PPP2R2C: variants seen among roughly 807,000 people sequenced by gnomAD.
PPP2R2C encodes the protein protein phosphatase 2 regulatory subunit Bgamma, also known as protein phosphatase 2, regulatory subunit B, gamma.
Under a neutral mutation model 45.3 loss-of-function variants are expected in PPP2R2C, and 10 were observed. The ratio of observed to expected loss-of-function variants is 0.22; its 90% CI spans 0.14 to 0.37. PPP2R2C has a LOEUF of 0.37. Ranked by LOEUF, PPP2R2C falls within the 10% of genes least tolerant of loss-of-function variation. The pLI is 1.00. For synonymous variants in PPP2R2C, 257 were observed against 245.4 expected (o/e 1.05, Z -0.44); for missense variants, 308 against 619.7 (o/e 0.50, Z 5.34).
At chr4:6,399,765 G>C (rs1477631972) in intron 1 of PPP2R2C, among the ~76,000 whole-genome samples, 1 of 152,212 alleles carries the variant, frequency 6.6e-6, no homozygotes, top group African/African-American at 2.4e-5. Context: ...GTGGCATTAG[G>C]GGTTCAGGTG....
intron 2 of PPP2R2C, among the ~76,000 whole-genome samples, chr4:6,512,404 A>C (rs201387619): frequency 2.4e-4 from 1 of 4,190 alleles, no homozygotes; most frequent in African/African-American, 9.1e-4. Context: ...GGTGGTGGTG[A>C]TGGTGGTGGT....
intron 6 of PPP2R2C, among the ~76,000 whole-genome samples, chr4:6,339,868 C>T (rs990922585): frequency 2.6e-5 from 4 of 152,342 alleles, no homozygotes; most frequent in African/African-American, 9.6e-5. Context: ...CAGCTGGCCT[C>T]ACCTCAGGCC....
At chr4:6,439,658 T>A (rs1191408861) in intron 1 of PPP2R2C, among the ~76,000 whole-genome samples, 1 of 152,120 alleles carries the variant, frequency 6.6e-6, no homozygotes, top group Non-Finnish European at 1.5e-5. Flanking sequence ...CACCCCCATC[T>A]CATCCACTCT....
At chr4:6,448,178 G>A (rs141097793) in intron 1 of PPP2R2C, among the ~76,000 whole-genome samples, 11 of 152,148 alleles carry the variant, frequency 7.2e-5, no homozygotes, top group Admixed American at 3.9e-4. Flanking sequence ...GCCAGACTCC[G>A]TCAAAGCCCT....
intron 1 of PPP2R2C, among the ~76,000 whole-genome samples, chr4:6,413,337 C>A (rs1253586932): frequency 1.3e-5 from 2 of 152,232 alleles, no homozygotes; most frequent in African/African-American, 4.8e-5. Flanking sequence ...CACACTGACA[C>A]ACTCTCATAC....
At chr4:6,326,049 C>T (rs900796376) in intron 8 of PPP2R2C, among the ~76,000 whole-genome samples, 2 of 152,240 alleles carry the variant, frequency 1.3e-5, no homozygotes, top group Admixed American at 1.3e-4. Flanking sequence ...TCTCCTCGCC[C>T]CTTGGCCTGG....
rs1050684545 is a variant in PPP2R2C, at chr4:6,349,098, C to T, written c.626-1088G>A. ...ATCTCTTGGAGCATGCAAGGACTGGCACCCCCGAGCTTCTCTCCGGCTTTC... is the reference window on the plus strand; with the variant it reads ...ATCTCTTGGAGCATGCAAGGACTGGTACCCCCGAGCTTCTCTCCGGCTTTC... On this transcript the variant is annotated intron_variant, in intron 5 of 8. Transcript: ENST00000382599. The T allele has an allele frequency of 2.2e-5, 22 of 985,230 alleles. No individual in the cohort carries two copies. The African/African-American group carries it at 2.8e-4, about 13-fold the overall frequency. The allele number at this position is 985,230 out of a possible 1,614,324, so 61.0% of individuals were successfully genotyped here.
rs535598536 is a variant in PPP2R2C at position 6,329,535 on chromosome 4, C to A, written c.961-182G>T. On this transcript the variant is annotated intron_variant, in intron 7 of 8. Transcript: ENST00000382599. This position sits in a 1 kb window ranked among gnomAD's most constrained non-coding sequence, Gnocchi z 5.8. ...CCCGACACAGCCCTGCTCATCTCAT[C>A]GGGAGGCCCATGACCAGGCACACGG... Among the ~76,000 whole-genome samples, 1 of 152,222 alleles carries A rather than the reference C, an allele frequency of 6.6e-6. No homozygotes were observed. The highest frequency in any genetic ancestry group is 6.5e-5 in the Admixed American group (1 of 15,288).
intron 1 of PPP2R2C, among the ~76,000 whole-genome samples, chr4:6,420,759 G>A (rs1718905247): frequency 6.6e-6 from 1 of 152,176 alleles, no homozygotes; most frequent in Admixed American, 6.5e-5. Context: ...ATGAGACAAT[G>A]GAGCCATAGA....
intron 2 of PPP2R2C, among the ~76,000 whole-genome samples, chr4:6,524,085 G>T (rs1488552489): frequency 7.2e-6 from 1 of 138,212 alleles, no homozygotes; most frequent in African/African-American, 2.5e-5. Context: ...GGCTAATTTT[G>T]TATTTTTTTT....
At chr4:6,497,247 G>T (rs1218679957) in intron 2 of PPP2R2C, among the ~76,000 whole-genome samples, 2 of 152,186 alleles carry the variant, frequency 1.3e-5, no homozygotes, top group African/African-American at 2.4e-5. Flanking sequence ...ATAGATGGAG[G>T]TGGCAGGGAA....
At chr4:6,411,363 G>T (rs1031299444) in intron 1 of PPP2R2C, among the ~76,000 whole-genome samples, 5 of 152,070 alleles carry the variant, frequency 3.3e-5, no homozygotes, top group African/African-American at 1.2e-4. Flanking sequence ...TACTGGAGCT[G>T]ATGGCGTGAC....
intron 5 of PPP2R2C, among the ~76,000 whole-genome samples, chr4:6,371,119 A>T (rs967948352): frequency 9.2e-5 from 14 of 152,220 alleles, no homozygotes; most frequent in African/African-American, 3.1e-4. Flanking sequence ...GGCATGATTG[A>T]AAAGACGGAG....
chr4:6,457,867 T>C (rs1318984050), intron 1 of PPP2R2C, among the ~76,000 whole-genome samples: 1 of 152,240 alleles, frequency 6.6e-6, no homozygotes, highest in Non-Finnish European at 1.5e-5. Flanking sequence ...TGCAGAATTA[T>C]CTTTCTCCAG....
intron 1 of PPP2R2C, among the ~76,000 whole-genome samples, chr4:6,393,848 T>A (rs559857917): frequency 6.6e-6 from 1 of 152,306 alleles, no homozygotes; most frequent in Admixed American, 6.5e-5. Context: ...TGGGTTTGAC[T>A]CTAGCCAGGC....
chr4:6,373,545 G>T (rs189326419), intron 4 of PPP2R2C, among the ~76,000 whole-genome samples: 4 of 152,288 alleles, frequency 2.6e-5, no homozygotes, highest in African/African-American at 9.6e-5. Context: ...CGGGAGCAAG[G>T]CGTCACCTCT....
At chr4:6,473,636 T>C (rs1458893945), upstream of PPP2R2C, among the ~76,000 whole-genome samples, 1 of 152,158 alleles carries the variant, frequency 6.6e-6, no homozygotes, top group East Asian at 1.9e-4. Context: ...GGAGCCATGC[T>C]CCAGGTGGGG....
intron 8 of PPP2R2C, among the ~76,000 whole-genome samples, chr4:6,327,520 A>G (rs1473110537): frequency 2.0e-5 from 3 of 152,232 alleles, no homozygotes; most frequent in Non-Finnish European, 4.4e-5. Context: ...TACCCCGCAA[A>G]ACGCACATAA....
At chr4:6,383,984 C>G (rs543640745) in intron 1 of PPP2R2C, 20 of 985,534 alleles carry the variant, frequency 2.0e-5, no homozygotes, top group Non-Finnish European at 2.3e-5. Context: ...CTGGACGTAT[C>G]CATCCATCCA....
Sources: gnomAD v4.1 joint callset for allele counts (sites outside exome capture counted in the v4.1 genomes callset) on GRCh38, gnomAD v4.1.1 for gene constraint, Gnocchi (gnomAD v3.1) non-coding constraint, MANE v1.5 for transcripts, NCBI Gene and HGNC (gene_info 2026-07-23, HGNC 2026-07-21) for gene names.